KATNIP: variants seen among roughly 807,000 people sequenced by gnomAD.
The protein encoded by KATNIP is katanin interacting protein.
KATNIP carries 126 observed loss-of-function variants against 174.0 expected under a neutral mutation model. That is an observed-to-expected ratio of 0.72 (90% CI 0.63 to 0.84). KATNIP has a LOEUF of 0.84. KATNIP is among the 40% of genes least tolerant of loss of function. KATNIP has a pLI of 0.00. For synonymous variants in KATNIP, 810 were observed against 835.7 expected (o/e 0.97, Z 0.53); for missense variants, 1,958 against 2,109.7 (o/e 0.93, Z 1.41).
chr16:27,766,598 C>T (rs757421390), intron 20 of KATNIP, 124 bp downstream of exon 20: 49 of 981,548 alleles, frequency 5.0e-5, no homozygotes, highest in Non-Finnish European at 6.7e-5. Flanking sequence ...GAGCTGGGGG[C>T]GTTATGTCCA....
At chr16:27,775,894 C>T (rs1412276594) in intron 24 of KATNIP, among the ~76,000 whole-genome samples, 3 of 152,148 alleles carry the variant, frequency 2.0e-5, no homozygotes. Flanking sequence ...AAAGGCCACC[C>T]TAAAATTAGA....
At chr16:27,655,674 G>A (rs992782938) in intron 6 of KATNIP, among the ~76,000 whole-genome samples, 4 of 152,138 alleles carry the variant, frequency 2.6e-5, no homozygotes, top group Admixed American at 6.6e-5. Context: ...CATCCATCAC[G>A]ACGTTAACCC....
chr16:27,577,884 T>A (rs993658551), intron 2 of KATNIP, among the ~76,000 whole-genome samples: 1 of 151,942 alleles, frequency 6.6e-6, no homozygotes, highest in African/African-American at 2.4e-5. Flanking sequence ...AAAAAAAATT[T>A]TTTTTAATAA....
chr16:27,605,950 C>G (rs940418750), intron 2 of KATNIP, among the ~76,000 whole-genome samples: 15 of 152,010 alleles, frequency 9.9e-5, no homozygotes, highest in African/African-American at 3.6e-4. Flanking sequence ...GCCAACATGA[C>G]AAAACCCTGT....
chr16:27,657,238 A>T (rs1487598699), intron 6 of KATNIP, among the ~76,000 whole-genome samples: 3 of 152,098 alleles, frequency 2.0e-5, no homozygotes, highest in African/African-American at 7.2e-5. Context: ...AGAAGGAAAA[A>T]GTGGGAGGGG....
At chr16:27,700,695 A>G (rs2079065125) in intron 10 of KATNIP, among the ~76,000 whole-genome samples, 1 of 152,154 alleles carries the variant, frequency 6.6e-6, no homozygotes, top group Admixed American at 6.5e-5. Flanking sequence ...TGAGGTGGGA[A>G]TGAGCCCAGC....
chr16:27,766,594 G>A (rs922023138), intron 20 of KATNIP, 120 bp downstream of exon 20: 1 of 1,010,526 alleles, frequency 9.9e-7, no homozygotes, highest in Non-Finnish European at 1.4e-6. Flanking sequence ...AACGGAGCTG[G>A]GGGCGTTATG....
At chr16:27,771,942 G>C (rs531814650) in intron 22 of KATNIP, among the ~76,000 whole-genome samples, 20 of 152,260 alleles carry the variant, frequency 1.3e-4, no homozygotes, top group Admixed American at 6.5e-4. Flanking sequence ...ACTGGGGAAG[G>C]GGGGTGTCCT....
At chr16:27,632,497 C>G in intron 5 of KATNIP, 1 of 414,368 alleles carries the variant, frequency 2.4e-6, no homozygotes, top group Non-Finnish European at 5.1e-6. Context: ...GCGGCATTAG[C>G]AGGATCTGAG....
chr16:27,674,590 T>A (rs916240845), intron 6 of KATNIP, among the ~76,000 whole-genome samples: 1 of 152,246 alleles, frequency 6.6e-6, no homozygotes, highest in Non-Finnish European at 1.5e-5. Flanking sequence ...CCTGCTTCTC[T>A]CTCATAAGGA....
chr16:27,608,399 C>CTTTTTTTTTT (rs11374534), intron 2 of KATNIP, among the ~76,000 whole-genome samples: 93 of 97,486 alleles, frequency 9.5e-4, no homozygotes, highest in Middle Eastern at 6.5e-3. Flanking sequence ...ACTGGTGAAT[C>CTTTTTTTTTT]TTTTTTTTTT....
intron 2 of KATNIP, among the ~76,000 whole-genome samples, chr16:27,575,222 T>A (rs2090456459): frequency 6.6e-6 from 1 of 152,198 alleles, no homozygotes; most frequent in Admixed American, 6.5e-5. Flanking sequence ...GAAAAGGTGA[T>A]GTGCAGGCTA....
chr16:27,690,367 A>AGATAGATAGATAGATAGAT (rs2078686576), intron 8 of KATNIP, among the ~76,000 whole-genome samples: 1 of 142,244 alleles, frequency 7.0e-6, no homozygotes, highest in Admixed American at 7.1e-5. Flanking sequence ...GATAGATGAT[A>AGATAGATAGATAGATAGAT]GATAGATAGA....
chr16:27,550,185 T>C lies in KATNIP; in HGVS notation c.7+8T>C. ...CGCCTCTAGGGATGGACGGTGAGTG[T>C]CTGTGGGCCCCTCCGGGAGGTCGGG... On this transcript the variant is annotated splice_region_variant and intron_variant, in intron 1 of 27. Transcript: ENST00000261588. The C allele has an allele frequency of 6.2e-7, 1 of 1,609,370 alleles. No individual in the cohort carries two copies. The highest frequency in any genetic ancestry group is 8.5e-7 in the Non-Finnish European group (1 of 1,176,638).
intron 2 of KATNIP, among the ~76,000 whole-genome samples, chr16:27,599,666 C>T (rs1024439498): frequency 7.9e-5 from 12 of 152,162 alleles, no homozygotes; most frequent in South Asian, 4.1e-4. Flanking sequence ...TAAGCACCTG[C>T]GGTAGCCTCT....
At chr16:27,583,296 A>G (rs2090765735) in intron 2 of KATNIP, among the ~76,000 whole-genome samples, 1 of 152,160 alleles carries the variant, frequency 6.6e-6, no homozygotes, top group Admixed American at 6.5e-5. Flanking sequence ...GTTTTGGATA[A>G]ACAATGTGCC....
intron 8 of KATNIP, among the ~76,000 whole-genome samples, chr16:27,698,085 T>C (rs1181457454): frequency 6.6e-6 from 1 of 152,210 alleles, no homozygotes; most frequent in East Asian, 1.9e-4. Context: ...GCCACAATAA[T>C]GTTCTTTACA....
chr16:27,593,699 A>G (rs1039783054), intron 2 of KATNIP, among the ~76,000 whole-genome samples: 1 of 152,016 alleles, frequency 6.6e-6, no homozygotes, highest in Non-Finnish European at 1.5e-5. Context: ...CAGCTAACTT[A>G]TTTTATTTTT....
intron 6 of KATNIP, among the ~76,000 whole-genome samples, chr16:27,653,474 G>A (rs1164275574): frequency 2.6e-5 from 4 of 151,762 alleles, no homozygotes; most frequent in African/African-American, 4.8e-5. Flanking sequence ...TCCTTCATTC[G>A]TTCCAGTGAT....
Sources: gnomAD v4.1 joint callset for allele counts (sites outside exome capture counted in the v4.1 genomes callset) on GRCh38, gnomAD v4.1.1 for gene constraint, MANE v1.5 for transcripts, NCBI Gene and HGNC (gene_info 2026-07-23, HGNC 2026-07-21) for gene names.